Variants in NEK10 observed in about 807,000 individuals in gnomAD.
The protein encoded by NEK10 is serine/threonine-protein kinase Nek10.
A neutral mutation model predicts 159.8 loss-of-function variants in NEK10; 122 were observed. That is an observed-to-expected ratio of 0.76 (90% confidence interval 0.66 to 0.89). NEK10 has a LOEUF of 0.89. Among genes scored for constraint, NEK10 ranks in the 40% least tolerant of loss-of-function variants. The pLI, the probability that NEK10 is intolerant of heterozygous loss-of-function variation, is 0.00. For synonymous variants in NEK10, 466 were observed against 457.1 expected, an observed-to-expected ratio of 1.02 and a Z score of -0.25; for missense variants, 1,342 against 1,323.1, an observed-to-expected ratio of 1.01 and a Z score of -0.22.
chr3:27,231,366 C>T (rs1395836704), intron 23 of NEK10, among the ~76,000 whole-genome samples: 1 of 151,914 alleles, frequency 6.6e-6, no homozygotes, highest in African/African-American at 2.4e-5. Context: ...AAGGAAAGTT[C>T]ATAGCATTAA....
intron 7 of NEK10, among the ~76,000 whole-genome samples, chr3:27,314,075 A>G (rs953392682): frequency 6.6e-6 from 1 of 152,154 alleles, no homozygotes; most frequent in African/African-American, 2.4e-5. Context: ...TCATTTCATC[A>G]GGCTGAGTAA....
At chr3:27,163,772 G>GTGCCT (rs1946238263) in intron 29 of NEK10, among the ~76,000 whole-genome samples, 1 of 152,138 alleles carries the variant, frequency 6.6e-6, no homozygotes, top group African/African-American at 2.4e-5. Context: ...CATGTACTAG[G>GTGCCT]TATAAGGCAC....
At chr3:27,127,614 T>C (rs752829004) in intron 32 of NEK10, among the ~76,000 whole-genome samples, 7 of 152,190 alleles carry the variant, frequency 4.6e-5, no homozygotes, top group Non-Finnish European at 8.8e-5. Flanking sequence ...AATTATGCTA[T>C]TATAATCTTG....
chr3:27,247,705 T>C (rs1315960057), intron 23 of NEK10, among the ~76,000 whole-genome samples: 1 of 152,026 alleles, frequency 6.6e-6, no homozygotes, highest in African/African-American at 2.4e-5. Flanking sequence ...CTGGCTAATA[T>C]TTTGCATTGT....
intron 26 of NEK10, among the ~76,000 whole-genome samples, chr3:27,176,810 T>C (rs760934110): frequency 6.6e-6 from 1 of 152,296 alleles, no homozygotes; most frequent in Admixed American, 6.5e-5. Flanking sequence ...GTGTCAACAT[T>C]ACCAAGGTTG....
At position 27,301,858 on chromosome 3, in the gene NEK10, T is replaced by C. The variant is rs764342311; in HGVS notation, c.1029-23A>G. The C allele has an allele frequency of 3.9e-6, 6 of 1,536,280 alleles. No homozygotes were observed. The African/African-American group carries it at 6.9e-5, about 18-fold the overall frequency. On this transcript the variant is annotated intron_variant, in intron 12 of 35. Transcript: ENST00000691995. ...TCTCTGAAAAAGAAAAGTTAATGCA[T>C]AGACCATTTATCAATTTCCCTTCAC...
chr3:27,132,066 AG>A (rs1942686946), intron 31 of NEK10, 76 bp from the exon 32 acceptor site: 2 of 749,024 alleles, frequency 2.7e-6, no homozygotes, highest in Non-Finnish European at 4.5e-6. Flanking sequence ...GCATTCGCTG[AG>A]GGCCCATGTA....
intron 32 of NEK10, among the ~76,000 whole-genome samples, chr3:27,125,979 T>C (rs1191969814): frequency 6.6e-6 from 1 of 152,164 alleles, no homozygotes; most frequent in East Asian, 1.9e-4. Context: ...AGGAGAGCCC[T>C]GCTATAGGAG....
intron 26 of NEK10, among the ~76,000 whole-genome samples, chr3:27,187,740 G>A (rs1435985976): frequency 3.4e-5 from 5 of 145,774 alleles, no homozygotes; most frequent in Admixed American, 6.9e-5. Context: ...CAGCCTGGGC[G>A]ACAGAGTGAG....
rs963552486 is a variant in NEK10 at position 27,110,224 on chromosome 3, T to C, written c.*1048A>G. The C allele has an allele frequency of 9.9e-5, 14 of 141,960 alleles. No homozygotes were observed. Among genetic ancestry groups the C allele is most frequent in the Admixed American group, 2.2e-4 (3 of 13,494 alleles). 8.8% of individuals were successfully genotyped at this position (141,960 alleles called of 1,614,324 possible). ...TTACACCAGAGTTTTAAGAAGCTGA[T>C]TGAAGAGAAGGAGTTTAAGCCCAGT... is the stretch of plus-strand genomic sequence containing the variant. On this transcript the variant is annotated 3_prime_UTR_variant, in exon 36 of 36. Coordinates refer to ENST00000691995, the MANE Select transcript of NEK10 (RefSeq NM_001394966.1).
chr3:27,174,751 A>T lies in NEK10; in HGVS notation c.2588T>A (p.Leu863Gln). Residue 863 changes from leucine (L) to glutamine (Q), a missense_variant, in exon 27 of 36, where the codon CTG becomes CAG. By Grantham distance (113) the Leu-to-Gln change is moderately radical. Transcript: ENST00000691995. ...LKSELSESAD[L>Q]PPEGFQASYG... ...GGAGGCCTGGAAGCCTTCAGGGGGC[A>T]GGTCTGCGCTTTCTGAAAGTTCACT... is the stretch of plus-strand genomic sequence containing the variant. The T allele has an allele frequency of 6.2e-7, 1 of 1,613,180 alleles. No individual in the cohort carries two copies. Among genetic ancestry groups the T allele is most frequent in the Non-Finnish European group, 8.5e-7 (1 of 1,179,704 alleles).
At chr3:27,313,353 A>G (rs2044867064) in intron 7 of NEK10, among the ~76,000 whole-genome samples, 1 of 152,168 alleles carries the variant, frequency 6.6e-6, no homozygotes, top group African/African-American at 2.4e-5. Context: ...ATATATATTC[A>G]CTTGCTTACC....
At chr3:27,122,031 T>G (rs555914632) in intron 32 of NEK10, among the ~76,000 whole-genome samples, 4 of 152,306 alleles carry the variant, frequency 2.6e-5, no homozygotes, top group Admixed American at 2.6e-4. Context: ...ATTTGTGGGT[T>G]TCCTAGTCTC....
At position 27,297,236 on chromosome 3, in the gene NEK10, G is replaced by C. The variant is rs1333220330; in HGVS notation, c.1173C>G (p.Cys391Trp). Reference sequence around the variant, plus strand: ...GCACCAGCTCAGTGAGGGCAGCACAGCAGGCTGGAATGACAACAATCAAAT... The same window carrying C: ...GCACCAGCTCAGTGAGGGCAGCACACCAGGCTGGAATGACAACAATCAAAT... ...QENTFSLQAA[C>W]CAALTELVLN... The change falls in exon 14 of 36, where the codon TGC (cysteine) becomes TGG (tryptophan). Residue 391 changes from cysteine to tryptophan, a missense_variant. Transcript: ENST00000691995. 6.2e-7 allele frequency: 1 copy of C among 1,611,128 alleles called. No homozygotes were observed. The highest frequency in any genetic ancestry group is 8.5e-7 in the Non-Finnish European group (1 of 1,177,306).
intron 1 of NEK10, among the ~76,000 whole-genome samples, chr3:27,365,610 G>GTTTTTTTTTTTTTTTTTTTTTT (rs71091129): frequency 3.0e-5 from 3 of 99,102 alleles, no homozygotes; most frequent in East Asian, 3.3e-4. Flanking sequence ...TTTTTTTTGT[G>GTTTTTTTTTTTTTTTTTTTTTT]TTTTTTTTTT....
At chr3:27,153,402 C>T (rs1945089760) in intron 30 of NEK10, among the ~76,000 whole-genome samples, 1 of 151,254 alleles carries the variant, frequency 6.6e-6, no homozygotes, top group Admixed American at 6.6e-5. Flanking sequence ...GTTATCAAGA[C>T]AGAAAGTCAA....
chr3:27,293,465 A>ATTT (rs1444020337), intron 16 of NEK10, 123 bp downstream of exon 16: 12 of 508,076 alleles, frequency 2.4e-5, no homozygotes, highest in Non-Finnish European at 4.2e-5. Context: ...AAATCTGAAG[A>ATTT]CACATGGTTT....
chr3:27,302,851 C>T (rs544938231), intron 12 of NEK10, among the ~76,000 whole-genome samples: 1 of 152,198 alleles, frequency 6.6e-6, no homozygotes, highest in Non-Finnish European at 1.5e-5. Flanking sequence ...TCTTATCTGT[C>T]AACATGATTC....
chr3:27,254,241 G>T (rs1955949735), intron 23 of NEK10, among the ~76,000 whole-genome samples: 1 of 152,036 alleles, frequency 6.6e-6, no homozygotes, highest in African/African-American at 2.4e-5. Flanking sequence ...TATTTTGTGT[G>T]TGGTCCAAGA....
Sources: allele counts gnomAD v4.1 joint callset (sites outside exome capture counted in the v4.1 genomes callset), GRCh38; gene constraint gnomAD v4.1.1; transcripts MANE v1.5; gene names NCBI Gene and HGNC (gene_info 2026-07-23, HGNC 2026-07-21).